The following ATP8B1 variants were observed in gnomAD, a reference collection of about 807,000 sequenced individuals.
The protein encoded by ATP8B1 is ATPase phospholipid transporting 8B1.
ATP8B1 carries 80 observed loss-of-function variants against 149.9 expected under a neutral mutation model. The observed-to-expected ratio is 0.53, with a 90% CI of 0.45 to 0.64. The LOEUF (loss-of-function observed/expected upper bound fraction) is 0.64. Among genes scored for constraint, ATP8B1 ranks in the 30% least tolerant of loss-of-function variants. ATP8B1 has a pLI of 0.00. For missense variants in ATP8B1, 1,247 were observed against 1,552.6 expected (o/e 0.80, Z 3.31); for synonymous variants, 536 against 562.8 (o/e 0.95, Z 0.67).
At chr18:57,751,489 G>A (rs1246511331) in intron 1 of ATP8B1, among the ~76,000 whole-genome samples, 1 of 151,156 alleles carries the variant, frequency 6.6e-6, no homozygotes, top group Non-Finnish European at 1.5e-5. Flanking sequence ...TTGCTGTCTG[G>A]ACCAAACACA....
At chr18:57,795,188 G>A (rs2080501232) in intron 1 of ATP8B1, among the ~76,000 whole-genome samples, 1 of 152,002 alleles carries the variant, frequency 6.6e-6, no homozygotes, top group African/African-American at 2.4e-5. Flanking sequence ...CTTGAGCCCT[G>A]GAGTTCAGCC....
rs201413726 is a variant in ATP8B1 at position 57,652,751 on chromosome 18, T to C, written c.3016-22A>G. On this transcript the variant is annotated intron_variant, in intron 24 of 27. Transcript: ENST00000648908. ...CATCCTTAAGGAGAAAACAAAATGA[T>C]GGTATTTTATTCATCAGGTCAAAGC... is the stretch of plus-strand genomic sequence containing the variant. The C allele has an allele frequency of 4.0e-5, 64 of 1,614,024 alleles. No individual in the cohort carries two copies. In the African/African-American group the frequency reaches 7.6e-4, roughly 19 times the overall value.
intron 1 of ATP8B1, among the ~76,000 whole-genome samples, chr18:57,763,070 T>C (rs759739413): frequency 3.2e-4 from 49 of 152,246 alleles, no homozygotes; most frequent in Non-Finnish European, 4.7e-4. Flanking sequence ...TTTCTTAGGA[T>C]TGATTGTCAG....
chr18:57,656,961 G>C (rs543280532), intron 22 of ATP8B1, among the ~76,000 whole-genome samples: 31 of 152,106 alleles, frequency 2.0e-4, no homozygotes, highest in African/African-American at 7.0e-4. Flanking sequence ...TTGGACAACA[G>C]GAGGTGTTTA....
rs180879553 is a variant in ATP8B1, at chr18:57,739,125, A to G, written c.-25-7293T>C. Among the ~76,000 whole-genome samples, 326 of 152,188 alleles carry G rather than the reference A, an allele frequency of 2.1e-3. 1 individual carries two copies. The highest frequency in any genetic ancestry group is 3.7e-3 in the Non-Finnish European group (252 of 68,012). On this transcript the variant is annotated intron_variant, in intron 1 of 27. Coordinates refer to ENST00000648908, the MANE Select transcript of ATP8B1 (RefSeq NM_001374385.1). ...ATTCTCCTGCCTCAGCCTCTCAAGTAGCTGGGATTACAGGTGCCCGCCATG... is the reference window on the plus strand; with the variant it reads ...ATTCTCCTGCCTCAGCCTCTCAAGTGGCTGGGATTACAGGTGCCCGCCATG...
At chr18:57,695,400 G>A in intron 9 of ATP8B1, 50 bp downstream of exon 9, 1 of 1,591,036 alleles carries the variant, frequency 6.3e-7, no homozygotes, top group South Asian at 1.1e-5. Flanking sequence ...AATAGGAATT[G>A]AACCAAGCAA....
Position 57,701,096 on chromosome 18 carries a change from C to T in ATP8B1, c.497G>A (p.Arg166His), listed in dbSNP as rs750391226. 16 of 1,614,070 alleles carry T rather than the reference C, an allele frequency of 9.9e-6. No homozygotes were observed. The highest frequency in any genetic ancestry group is 1.7e-5 in the Admixed American group (1 of 60,004). The change falls in exon 6 of 28, where the codon CGC becomes CAC. Residue 166 changes from arginine (R) to histidine (H), a missense_variant. Arg to His is a conservative substitution (Grantham distance 29). Transcript: ENST00000648908. Reference sequence around the variant, plus strand: ...GTTGATTTCCTTATCCATTTTATGGCGAGCCTTGAGAAGGAAGATGGGGAA... The same window carrying T: ...GTTGATTTCCTTATCCATTTTATGGTGAGCCTTGAGAAGGAAGATGGGGAA... ...AIKDLVDDVA[R>H]HKMDKEINNR... is the part of the protein sequence containing the mutation.
intron 1 of ATP8B1, among the ~76,000 whole-genome samples, chr18:57,744,331 A>G (rs2079945446): frequency 1.3e-5 from 2 of 150,542 alleles, no homozygotes; most frequent in South Asian, 4.2e-4. Flanking sequence ...AAAAAGAAAG[A>G]AATACAGGCC....
rs1278165511 is a variant in ATP8B1, at chr18:57,652,592, A to C, written c.3153T>G (p.Pro1051=). 6.2e-6 allele frequency: 10 copies of C among 1,614,058 alleles called. No individual in the cohort carries two copies. The highest frequency in any genetic ancestry group is 3.3e-5 in the Admixed American group (2 of 60,000). The change falls in exon 25 of 28, where the codon CCT becomes CCG. Residue 1051 remains proline, a synonymous_variant. Coordinates refer to ENST00000648908, the MANE Select transcript of ATP8B1 (RefSeq NM_001374385.1). The stretch of plus-strand genomic sequence containing the variant: ...CTACGGTTTGCAGATAAGCTCCAAG[A>C]GGTATGAAGAAGAGGATCATCGATG... ...VLTSMILFFI[P]LGAYLQTVGQ...
intron 23 of ATP8B1, 45 bp from the exon 24 acceptor site, chr18:57,654,120 T>C (rs767112543): frequency 1.3e-6 from 2 of 1,510,602 alleles, no homozygotes; most frequent in South Asian, 2.3e-5. Flanking sequence ...CAAAGACACA[T>C]GCCAGCCTAG....
In ATP8B1 at chr18:57,652,594, G is replaced by T. The variant is rs370876900; in HGVS notation, c.3151C>A (p.Pro1051Thr). 6.2e-6 allele frequency: 10 copies of T among 1,614,186 alleles called. No individual in the cohort carries two copies. Among genetic ancestry groups the T allele is most frequent in the Non-Finnish European group, 7.6e-6 (9 of 1,180,046 alleles). Residue 1051 changes from proline to threonine, a missense_variant, in exon 25 of 28, where the codon CCT (proline) becomes ACT (threonine). Transcript: ENST00000648908. Reference protein sequence around the residue: ...VLTSMILFFIPLGAYLQTVGQ... With the variant: ...VLTSMILFFITLGAYLQTVGQ... ...ACGGTTTGCAGATAAGCTCCAAGAGGTATGAAGAAGAGGATCATCGATGTT... is the reference window on the plus strand; with the variant it reads ...ACGGTTTGCAGATAAGCTCCAAGAGTTATGAAGAAGAGGATCATCGATGTT...
intron 1 of ATP8B1, among the ~76,000 whole-genome samples, chr18:57,768,819 G>A (rs144602718): frequency 1.3e-5 from 2 of 152,346 alleles, no homozygotes; most frequent in Admixed American, 6.5e-5. Flanking sequence ...ACACACCCAA[G>A]AGAAAGGCTT....
chr18:57,669,474 T>A lies in ATP8B1; in HGVS notation c.1941A>T (p.Ala647=). The change falls in exon 18 of 28, where the codon GCA becomes GCT. Residue 647 remains alanine (A), a synonymous_variant. Coordinates refer to ENST00000648908, the MANE Select transcript of ATP8B1 (RefSeq NM_001374385.1). ...QETQDALDIF[A]NETLRTLCLC... is the part of the protein sequence containing the mutation. ...GGCATAGGGTTCTAAGAGTTTCATTTGCAAAGATCTGTTTTATTTAAAAAA... is the reference window on the plus strand; with the variant it reads ...GGCATAGGGTTCTAAGAGTTTCATTAGCAAAGATCTGTTTTATTTAAAAAA... 6.2e-7 allele frequency: 1 copy of A among 1,611,654 alleles called. No homozygotes were observed. Among genetic ancestry groups the A allele is most frequent in the Non-Finnish European group, 8.5e-7 (1 of 1,178,072 alleles).
At chr18:57,704,006 G>C (rs1056578906) in intron 4 of ATP8B1, among the ~76,000 whole-genome samples, 1 of 152,024 alleles carries the variant, frequency 6.6e-6, no homozygotes, top group Non-Finnish European at 1.5e-5. Flanking sequence ...AGCTCTTGTT[G>C]TCCAAGCTGG....
rs957895030 is a variant in ATP8B1, at chr18:57,802,512, A to C, written c.-26+486T>G. 1.3e-5 allele frequency among the ~76,000 whole-genome samples: 2 copies of C among 152,164 alleles called. No homozygotes were observed. The highest frequency in any genetic ancestry group is 6.5e-5 in the Admixed American group (1 of 15,286). ...CCCTCCCGGCAGGTGGGCCGCGGTCAGATACGTTTGGCCCGCAAGTCCTTT... is the reference window on the plus strand; with the variant it reads ...CCCTCCCGGCAGGTGGGCCGCGGTCCGATACGTTTGGCCCGCAAGTCCTTT... On this transcript the variant is annotated intron_variant, in intron 1 of 27. Transcript: ENST00000648908. This position sits in a 1 kb window ranked among gnomAD's most constrained non-coding sequence, Gnocchi z 4.9.
At chr18:57,703,563 C>G (rs1293228468) in intron 4 of ATP8B1, among the ~76,000 whole-genome samples, 1 of 126,050 alleles carries the variant, frequency 7.9e-6, no homozygotes. Context: ...ACGACAAGAG[C>G]GAAACACGGT....
intron 1 of ATP8B1, among the ~76,000 whole-genome samples, chr18:57,764,232 C>T (rs2123342152): frequency 6.6e-6 from 1 of 152,190 alleles, no homozygotes; most frequent in South Asian, 2.1e-4. Flanking sequence ...CAGCCACCTG[C>T]CCCAGGGAGC....
chr18:57,777,760 G>A (rs2080318174), intron 1 of ATP8B1, among the ~76,000 whole-genome samples: 1 of 152,112 alleles, frequency 6.6e-6, no homozygotes, highest in South Asian at 2.1e-4. Context: ...TGTACAGACA[G>A]GGTTTTGCCG....
intron 11 of ATP8B1, among the ~76,000 whole-genome samples, chr18:57,694,166 G>A (rs1163633626): frequency 6.6e-6 from 1 of 152,094 alleles, no homozygotes; most frequent in Non-Finnish European, 1.5e-5. Flanking sequence ...CTTGTATTTG[G>A]AGCTATACAG....
Sources: gnomAD v4.1 joint callset for allele counts (sites outside exome capture counted in the v4.1 genomes callset) on GRCh38, gnomAD v4.1.1 for gene constraint, Gnocchi (gnomAD v3.1) non-coding constraint, MANE v1.5 for transcripts, NCBI Gene and HGNC (gene_info 2026-07-23, HGNC 2026-07-21) for gene names.